PHACTR1: variants seen among roughly 807,000 people sequenced by gnomAD.
The protein encoded by PHACTR1 is phosphatase and actin regulator 1.
Under a neutral mutation model 69.2 loss-of-function variants are expected in PHACTR1, and 16 were observed. The observed-to-expected ratio is 0.23, with a 90% CI of 0.16 to 0.35. PHACTR1 has a LOEUF of 0.35. Among genes scored for constraint, PHACTR1 ranks in the 10% least tolerant of loss-of-function variants. The pLI, the probability that PHACTR1 is intolerant of heterozygous loss-of-function variation, is 1.00. For synonymous variants in PHACTR1, 312 were observed against 284.5 expected, an observed-to-expected ratio of 1.10 and a Z score of -0.97; for missense variants, 510 against 734.7, an observed-to-expected ratio of 0.69 and a Z score of 3.54.
chr6:13,063,302 C>T (rs1807969968), intron 5 of PHACTR1, among the ~76,000 whole-genome samples: 1 of 152,112 alleles, frequency 6.6e-6, no homozygotes. Context: ...TGCACAGGGG[C>T]TTTGAGAGCT....
At chr6:12,756,892 G>A (rs1037974971) in intron 4 of PHACTR1, among the ~76,000 whole-genome samples, 23 of 152,100 alleles carry the variant, frequency 1.5e-4, no homozygotes, top group Admixed American at 1.2e-3. Flanking sequence ...TGTATTATTC[G>A]TGAGTTTCTC....
chr6:12,948,104 TAGG>T (rs1036041532), intron 4 of PHACTR1, among the ~76,000 whole-genome samples: 15 of 152,296 alleles, frequency 9.8e-5, no homozygotes, highest in African/African-American at 3.4e-4. Flanking sequence ...GCAACAGACT[TAGG>T]AGCTGGATGG....
chr6:12,986,096 A>G (rs1224413988), intron 4 of PHACTR1, among the ~76,000 whole-genome samples: 1 of 152,194 alleles, frequency 6.6e-6, no homozygotes, highest in East Asian at 1.9e-4. Flanking sequence ...TCGGTCTCTC[A>G]AAGTGCTGGG....
In PHACTR1 at chr6:13,213,070, A is replaced by G. The variant is rs200718279; in HGVS notation, c.986+6934A>G. Among the ~76,000 whole-genome samples, 27 of 151,108 alleles carry G rather than the reference A, an allele frequency of 1.8e-4. 1 individual carries two copies. Among genetic ancestry groups the G allele is most frequent in the East Asian group, 7.7e-4 (4 of 5,192 alleles). ...TGGCTGTATCCAGAGTGCCTACAACAGGGCCTGGCTTATAGGTTTGAGTGA... is the reference window on the plus strand; with the variant it reads ...TGGCTGTATCCAGAGTGCCTACAACGGGGCCTGGCTTATAGGTTTGAGTGA... On this transcript the variant is annotated intron_variant, in intron 8 of 14. Transcript: ENST00000332995.
intron 10 of PHACTR1, chr6:13,267,160 G>A (rs1382901940): frequency 6.6e-6 from 1 of 152,226 alleles, no homozygotes; most frequent in African/African-American, 2.4e-5. Flanking sequence ...AGTCTTCTCT[G>A]TTCCAGAAGG....
chr6:12,937,782 A>G (rs1018171707), intron 4 of PHACTR1, among the ~76,000 whole-genome samples: 4 of 152,134 alleles, frequency 2.6e-5, no homozygotes, highest in African/African-American at 9.7e-5. Context: ...AAATTTTATG[A>G]AAACACAATG....
intron 4 of PHACTR1, among the ~76,000 whole-genome samples, chr6:13,024,240 T>C (rs1368788183): frequency 6.6e-6 from 1 of 152,210 alleles, no homozygotes; most frequent in African/African-American, 2.4e-5. Flanking sequence ...TGAAATCTGC[T>C]GCACAATTAG....
chr6:12,846,726 CTT>C (rs36120296), intron 4 of PHACTR1, among the ~76,000 whole-genome samples: 26 of 143,550 alleles, frequency 1.8e-4, no homozygotes, highest in East Asian at 4.0e-4. Context: ...TTCTTTCGTC[CTT>C]TTTTTTTTTT....
intron 4 of PHACTR1, among the ~76,000 whole-genome samples, chr6:12,920,740 C>G (rs1787550934): frequency 6.6e-6 from 1 of 152,100 alleles, no homozygotes; most frequent in Non-Finnish European, 1.5e-5. Flanking sequence ...GAAGTAGGAG[C>G]AAAATAAACA....
At chr6:12,843,686 GATATTCAAAGATGGTTAACTTTGA>G (rs758204088) in intron 4 of PHACTR1, among the ~76,000 whole-genome samples, 44 of 152,288 alleles carry the variant, frequency 2.9e-4, no homozygotes, top group Non-Finnish European at 3.8e-4. Flanking sequence ...GAGCTTTGCA[GATATTCAAAGATGGTTAACTTTGA>G]ATATTCAAAG....
intron 8 of PHACTR1, among the ~76,000 whole-genome samples, chr6:13,226,857 C>T (rs1769832074): frequency 6.6e-6 from 1 of 151,838 alleles, no homozygotes; most frequent in South Asian, 2.1e-4. Context: ...CCTGCCTCAC[C>T]CTCCCAAGTA....
At chr6:13,151,805 C>T (rs560455299) in intron 5 of PHACTR1, among the ~76,000 whole-genome samples, 175 of 151,948 alleles carry the variant, frequency 1.2e-3, no homozygotes, top group African/African-American at 3.3e-3. Flanking sequence ...AAGATGGAGG[C>T]AGTAGTGGAT....
intron 5 of PHACTR1, among the ~76,000 whole-genome samples, chr6:13,137,801 G>A (rs1434681094): frequency 6.6e-6 from 1 of 152,200 alleles, no homozygotes; most frequent in African/African-American, 2.4e-5. Context: ...TATGTCTGTT[G>A]GGCTCACCTG....
intron 5 of PHACTR1, among the ~76,000 whole-genome samples, chr6:13,144,691 G>A (rs1210802282): frequency 4.0e-5 from 6 of 150,912 alleles, no homozygotes; most frequent in Non-Finnish European, 7.4e-5. Context: ...GCCTGAGCCC[G>A]GGAAGTGGAG....
intron 4 of PHACTR1, among the ~76,000 whole-genome samples, chr6:12,906,820 CGTGT>C (rs1785785729): frequency 6.6e-6 from 1 of 152,188 alleles, no homozygotes; most frequent in East Asian, 1.9e-4. Context: ...GGTTGGGTCA[CGTGT>C]CCACTCTGGA....
intron 5 of PHACTR1, among the ~76,000 whole-genome samples, chr6:13,118,337 C>T (rs1184998489): frequency 6.6e-6 from 1 of 152,188 alleles, no homozygotes; most frequent in Admixed American, 6.5e-5. Context: ...CAGAACTGTA[C>T]TGACCTCAGG....
intron 8 of PHACTR1, among the ~76,000 whole-genome samples, chr6:13,210,775 T>A (rs1372781846): frequency 1.3e-5 from 2 of 152,170 alleles, no homozygotes; most frequent in East Asian, 1.9e-4. Context: ...TTAGCCAGCA[T>A]GGAAAATTTG....
intron 10 of PHACTR1, among the ~76,000 whole-genome samples, chr6:13,270,769 T>G (rs541072808): frequency 2.6e-5 from 4 of 152,308 alleles, no homozygotes; most frequent in Admixed American, 1.3e-4. Context: ...ATTAGGCCAT[T>G]CTTGCATTAC....
chr6:12,957,317 T>G (rs908787475), intron 4 of PHACTR1: 8 of 971,404 alleles, frequency 8.2e-6, no homozygotes, highest in Non-Finnish European at 3.7e-6. Context: ...GCATTTCCTC[T>G]GAATCCTCTC....
Sources: allele counts gnomAD v4.1 joint callset (sites outside exome capture counted in the v4.1 genomes callset), GRCh38; gene constraint gnomAD v4.1.1; transcripts MANE v1.5; gene names NCBI Gene and HGNC (gene_info 2026-07-23, HGNC 2026-07-21).